The following GSE1 variants were observed in gnomAD, a reference collection of about 807,000 sequenced individuals.
The protein encoded by GSE1 is genetic suppressor element 1.
In GSE1, 32 loss-of-function variants were observed where a neutral mutation model predicts 112.6. The observed-to-expected ratio is 0.28, with a 90% confidence interval of 0.21 to 0.38. The LOEUF is 0.38. GSE1 is among the 10% of genes least tolerant of loss of function. GSE1 has a pLI of 1.00. For missense variants in GSE1, 2,348 were observed against 1,699.2 expected (o/e 1.38, Z -6.71); for synonymous variants, 1,115 against 735.6 (o/e 1.52, Z -8.35).
In GSE1 at chr16:85,648,771, G is replaced by C; in HGVS notation, c.426+20G>C. ...CGGCAGGTGAGTGGGGCGGGGCAGGGAGCCTAGCGTCCTCTAAGTGGGGAG... is the reference window on the plus strand; with the variant it reads ...CGGCAGGTGAGTGGGGCGGGGCAGGCAGCCTAGCGTCCTCTAAGTGGGGAG... On this transcript the variant is annotated intron_variant, in intron 3 of 15. Coordinates refer to ENST00000253458, the MANE Select transcript of GSE1 (RefSeq NM_014615.5). 1 of 1,480,378 alleles carries C rather than the reference G, an allele frequency of 6.8e-7. No individual in the cohort carries two copies. Among genetic ancestry groups the C allele is most frequent in the Non-Finnish European group, 9.2e-7 (1 of 1,089,314 alleles). The allele number at this position is 1,480,378 out of a possible 1,614,324, so 91.7% of individuals were successfully genotyped here. A position where few individuals can be genotyped will look rare whatever the true frequency, so the allele number is the denominator to read the frequency against.
intron 1 of GSE1, among the ~76,000 whole-genome samples, chr16:85,209,688 A>T (rs1377930642): frequency 6.6e-6 from 1 of 152,196 alleles, no homozygotes; most frequent in Non-Finnish European, 1.5e-5. Context: ...ATCGAGGTGC[A>T]TGGCCATGGT....
intron 1 of GSE1, among the ~76,000 whole-genome samples, chr16:85,178,420 C>G (rs760129515): frequency 1.2e-4 from 18 of 151,902 alleles, no homozygotes; most frequent in Non-Finnish European, 1.9e-4. Flanking sequence ...GTTTGGAATC[C>G]CTGGGTGCAC....
Position 85,304,305 on chromosome 16 carries a change from A to T in GSE1, c.2284-53158A>T, listed in dbSNP as rs181141935. Among the ~76,000 whole-genome samples the T allele has an allele frequency of 1.2e-3, 182 of 151,932 alleles. 2 individuals carry two copies. The highest frequency in any genetic ancestry group is 4.2e-3 in the African/African-American group (175 of 41,430). Reference sequence around the variant, plus strand: ...GACCCCTGGCATGGTGTCTTTACTGACCTCCTGCCCTTTTCTTCTCCTGGC... The same window carrying T: ...GACCCCTGGCATGGTGTCTTTACTGTCCTCCTGCCCTTTTCTTCTCCTGGC... On this transcript the variant is annotated intron_variant, in intron 1 of 2. Transcript: ENST00000637419.
At chr16:85,643,499 C>T (rs1159287324) in intron 2 of GSE1, among the ~76,000 whole-genome samples, 1 of 152,192 alleles carries the variant, frequency 6.6e-6, no homozygotes, top group Non-Finnish European at 1.5e-5. Flanking sequence ...CTCACCCGCG[C>T]CTCTTTCTTC....
chr16:85,323,247 G>A (rs914465195), intron 1 of GSE1, among the ~76,000 whole-genome samples: 1 of 152,124 alleles, frequency 6.6e-6, no homozygotes, highest in African/African-American at 2.4e-5. Context: ...TGCTGTCTCC[G>A]GGTGGGAGAC....
intron 2 of GSE1, among the ~76,000 whole-genome samples, chr16:85,478,547 A>G (rs1382873193): frequency 1.3e-5 from 2 of 149,602 alleles, no homozygotes; most frequent in African/African-American, 2.5e-5. Flanking sequence ...AAAAAATTCC[A>G]TGGCCTGCCA....
chr16:85,456,584 G>A (rs938997024), intron 2 of GSE1, among the ~76,000 whole-genome samples: 179 of 50,416 alleles, frequency 3.6e-3, no homozygotes, highest in African/African-American at 0.017. Flanking sequence ...CCTGCCGTGT[G>A]TGTGTGTGTG....
chr16:85,597,841 C>A (rs1268235428), intron 1 of GSE1, among the ~76,000 whole-genome samples: 1 of 152,196 alleles, frequency 6.6e-6, no homozygotes, highest in African/African-American at 2.4e-5. Context: ...TTTTTGCATT[C>A]GCTCTGTAGG....
chr16:85,664,957 C>G, intron 11 of GSE1, 58 bp from the exon 12 acceptor site: 1 of 1,154,310 alleles, frequency 8.7e-7, no homozygotes, highest in Non-Finnish European at 1.3e-6. Context: ...ATCCCGCTGT[C>G]CTTCTCTCCA....
chr16:85,421,764 G>GCCT (rs1157522748), intron 2 of GSE1, among the ~76,000 whole-genome samples: 3 of 152,116 alleles, frequency 2.0e-5, no homozygotes, highest in Non-Finnish European at 4.4e-5. Flanking sequence ...GAGGCTTAGG[G>GCCT]CCTCCCACCA....
chr16:85,587,182 A>C (rs932951783), intron 1 of GSE1, among the ~76,000 whole-genome samples: 2 of 143,342 alleles, frequency 1.4e-5, no homozygotes, highest in East Asian at 2.2e-4. Flanking sequence ...CCCCCCCCCC[A>C]GACCAGACCC....
chr16:85,658,967 A>G (rs2052202140), intron 8 of GSE1, among the ~76,000 whole-genome samples: 1 of 152,238 alleles, frequency 6.6e-6, no homozygotes, highest in East Asian at 1.9e-4. Context: ...CCGGCTGCAC[A>G]CGTGGCCTTA....
exon 1 of GSE1, chr16:85,556,047 G>A (rs1203816509): frequency 2.0e-5 from 20 of 984,876 alleles, no homozygotes; most frequent in Non-Finnish European, 2.3e-5. Context: ...CCCGTCCTTG[G>A]TCGTCAATTA....
intron 2 of GSE1, among the ~76,000 whole-genome samples, chr16:85,403,267 G>A (rs1597615819): frequency 1.3e-5 from 2 of 152,148 alleles, no homozygotes; most frequent in Admixed American, 6.5e-5. Flanking sequence ...AACCGACACC[G>A]GAAGCGAGCC....
chr16:85,671,041 G>A lies in GSE1; in HGVS notation c.3462G>A (p.Leu1154=), dbSNP rs779308754. ...RQVLQTQCRR[L]EARHYSLSLT... ...TGTTACAGACACAATGTAGACGACT[G>A]GAGGCCCGGCACTACAGCCTCAGCC... The change falls in exon 15 of 16, where the codon CTG becomes CTA. Residue 1154 remains leucine (L), a synonymous_variant. Coordinates refer to ENST00000253458, the MANE Select transcript of GSE1 (RefSeq NM_014615.5). 1.2e-6 allele frequency: 2 copies of A among 1,612,996 alleles called. No individual in the cohort carries two copies. The highest frequency in any genetic ancestry group is 2.2e-5 in the East Asian group (1 of 44,856).
chr16:85,329,259 G>A lies in GSE1; in HGVS notation c.2284-28204G>A, dbSNP rs138579484. The stretch of plus-strand genomic sequence containing the variant: ...TTTGTTCATCTGTAAAATGGGGGTG[G>A]ACGCTGGCTGCCTCCAGGGCTGGTG... On this transcript the variant is annotated intron_variant, in intron 1 of 2. Transcript: ENST00000637419. 3.7e-3 allele frequency among the ~76,000 whole-genome samples: 570 copies of A among 152,306 alleles called. 5 individuals are homozygous for A. Among genetic ancestry groups the A allele is most frequent in the Middle Eastern group, 0.017 (5 of 294 alleles).
rs549739226 is a variant in GSE1 at position 85,466,697 on chromosome 16, T to G, written c.2464+109054T>G. On this transcript the variant is annotated intron_variant, in intron 2 of 2. Transcript: ENST00000637419. ...AATTAAAAAAAAAAAGAAATATATA[T>G]ATATAGAGAGAGAGAGGGAGAGAGG... Among the ~76,000 whole-genome samples, 559 of 123,914 alleles carry G rather than the reference T, an allele frequency of 4.5e-3. 3 individuals are homozygous for G. The highest frequency in any genetic ancestry group is 6.4e-3 in the Admixed American group (80 of 12,594). The allele number at this position is 123,914 out of a possible 152,430, so 81.3% of individuals were successfully genotyped here. A position where few individuals can be genotyped will look rare whatever the true frequency, so the allele number is the denominator to read the frequency against.
intron 1 of GSE1, among the ~76,000 whole-genome samples, chr16:85,208,999 G>C (rs1236812028): frequency 6.6e-6 from 1 of 151,506 alleles, no homozygotes; most frequent in African/African-American, 2.4e-5. Context: ...GGGTTCGCCT[G>C]TGTTGGGGTT....
At chr16:85,603,433 C>G (rs965263185) in intron 1 of GSE1, among the ~76,000 whole-genome samples, 1 of 152,220 alleles carries the variant, frequency 6.6e-6, no homozygotes, top group African/African-American at 2.4e-5. Flanking sequence ...CTTGAGGCTT[C>G]TCTGGAAACT....
Sources: gnomAD v4.1 joint callset for allele counts (sites outside exome capture counted in the v4.1 genomes callset) on GRCh38, gnomAD v4.1.1 for gene constraint, MANE v1.5 for transcripts, NCBI Gene and HGNC (gene_info 2026-07-23, HGNC 2026-07-21) for gene names.